The following EFNB3 variants were observed in gnomAD, a reference collection of about 807,000 sequenced individuals.
The protein encoded by EFNB3 is ephrin B3.
A neutral mutation model predicts 29.8 loss-of-function variants in EFNB3; 14 were observed. That is an observed-to-expected ratio of 0.47 (90% CI 0.31 to 0.73). The LOEUF is 0.73. Among genes scored for constraint, EFNB3 ranks in the 30% least tolerant of loss-of-function variants. The pLI, the probability that EFNB3 is intolerant of heterozygous loss-of-function variation, is 0.05. For synonymous variants in EFNB3, 216 were observed against 191.6 expected (o/e 1.13, Z -1.05); for missense variants, 408 against 458.0 (o/e 0.89, Z 1.00).
At chr17:7,706,632 C>T (rs1362335517) in intron 1 of EFNB3, among the ~76,000 whole-genome samples, 4 of 152,162 alleles carry the variant, frequency 2.6e-5, no homozygotes, top group Non-Finnish European at 4.4e-5. Context: ...TGTGTGAGGC[C>T]ATGGGAAGGG....
chr17:7,705,817 C>T lies in EFNB3; in HGVS notation c.122+97C>T. The T allele has an allele frequency of 2.1e-6, 3 of 1,420,878 alleles. No homozygotes were observed. In the South Asian group the frequency reaches 4.2e-5, roughly 20 times the overall value. 88.0% of individuals were successfully genotyped at this position (1,420,878 alleles called of 1,614,324 possible). On this transcript the variant is annotated intron_variant, in intron 1 of 4. Transcript: ENST00000226091. The surrounding 1 kb of genome is among the most constrained non-coding windows in gnomAD (Gnocchi z 5.4). ...CGGGCTTCTGTGGGCAGGGAGGAGG[C>T]GGGAGGGAAGGTGCTGGTGCTCTGA... is the stretch of plus-strand genomic sequence containing the variant.
In EFNB3 at chr17:7,707,108, C is replaced by T. The variant is rs575696965; in HGVS notation, c.123-850C>T. On this transcript the variant is annotated intron_variant, in intron 1 of 4. Coordinates refer to ENST00000226091, the MANE Select transcript of EFNB3 (RefSeq NM_001406.4). ...GTCTGGGAAGATATCAAGTAGCAGT[C>T]CCCTGGGACCCAGTCCTGAGACCCT... Among the ~76,000 whole-genome samples the T allele has an allele frequency of 5.3e-5, 8 of 152,224 alleles. No homozygotes were observed. The East Asian group carries it at 1.5e-3, about 29-fold the overall frequency.
intron 1 of EFNB3, among the ~76,000 whole-genome samples, chr17:7,706,793 T>A (rs2074329066): frequency 6.6e-6 from 1 of 152,196 alleles, no homozygotes; most frequent in Admixed American, 6.5e-5. Context: ...TGTTTGAATG[T>A]ATTATGTGCT....
chr17:7,707,955 T>C lies in EFNB3; in HGVS notation c.123-3T>C, dbSNP rs1367050831. ...CTTGTCCACCTTACCCTCCTCCCCA[T>C]AGGTTCCAGGCAGAGGGTGGTTATG... On this transcript the variant is annotated splice_region_variant and splice_polypyrimidine_tract_variant and intron_variant, in intron 1 of 4. Coordinates refer to ENST00000226091, the MANE Select transcript of EFNB3 (RefSeq NM_001406.4). The C allele has an allele frequency of 6.2e-7, 1 of 1,605,172 alleles. No homozygotes were observed. Among genetic ancestry groups the C allele is most frequent in the Non-Finnish European group, 8.5e-7 (1 of 1,174,720 alleles).
At chr17:7,707,278 C>G (rs2074330673) in intron 1 of EFNB3, among the ~76,000 whole-genome samples, 1 of 152,142 alleles carries the variant, frequency 6.6e-6, no homozygotes, top group African/African-American at 2.4e-5. Context: ...CCTTTCCTTT[C>G]CAAAGCAATA....
Position 7,705,582 on chromosome 17 carries a change from C to G in EFNB3, c.-17C>G. 1 of 1,398,500 alleles carries G rather than the reference C, an allele frequency of 7.2e-7. No homozygotes were observed. The highest frequency in any genetic ancestry group is 9.4e-7 in the Non-Finnish European group (1 of 1,060,548). The allele number at this position is 1,398,500 out of a possible 1,614,324, so 86.6% of individuals were successfully genotyped here. A position where few individuals can be genotyped will look rare whatever the true frequency, so the allele number is the denominator to read the frequency against. On this transcript the variant is annotated 5_prime_UTR_variant, in exon 1 of 5. Transcript: ENST00000226091. The surrounding 1 kb of genome is among the most constrained non-coding windows in gnomAD (Gnocchi z 5.4). Reference sequence around the variant, plus strand: ...TTGGGGGAGTTGGTGCCCCGCCCCCCAGGCCTTGGCGGGGTCATGGGGCCC... The same window carrying G: ...TTGGGGGAGTTGGTGCCCCGCCCCCGAGGCCTTGGCGGGGTCATGGGGCCC...
At position 7,705,539 on chromosome 17, in the gene EFNB3, C is replaced by G. The variant is rs1022469355; in HGVS notation, c.-60C>G. The G allele has an allele frequency of 9.5e-6, 10 of 1,049,622 alleles. No homozygotes were observed. Among genetic ancestry groups the G allele is most frequent in the African/African-American group, 1.7e-5 (1 of 59,386 alleles). The allele number at this position is 1,049,622 out of a possible 1,614,324, so 65.0% of individuals were successfully genotyped here. ...AGAGCCAGGCAGCCAAGGCAGCCACCCCGGGGGGTGGGCGACTTTGGGGGA... is the reference window on the plus strand; with the variant it reads ...AGAGCCAGGCAGCCAAGGCAGCCACGCCGGGGGGTGGGCGACTTTGGGGGA... On this transcript the variant is annotated 5_prime_UTR_variant, in exon 1 of 5. Coordinates refer to ENST00000226091, the MANE Select transcript of EFNB3 (RefSeq NM_001406.4). This position sits in a 1 kb window ranked among gnomAD's most constrained non-coding sequence, Gnocchi z 5.4.
chr17:7,710,204 A>C lies in EFNB3; in HGVS notation c.*628A>C, dbSNP rs1597428099. On this transcript the variant is annotated 3_prime_UTR_variant, in exon 5 of 5. Coordinates refer to ENST00000226091, the MANE Select transcript of EFNB3 (RefSeq NM_001406.4). Reference sequence around the variant, plus strand: ...CTTATGGGGAAGGCTCTGACACTCCACCCCAGCTCAGGCCATGGGCAGCAG... The same window carrying C: ...CTTATGGGGAAGGCTCTGACACTCCCCCCCAGCTCAGGCCATGGGCAGCAG... 6.3e-6 allele frequency: 1 copy of C among 159,840 alleles called. No individual in the cohort carries two copies. Among genetic ancestry groups the C allele is most frequent in the Non-Finnish European group, 1.4e-5 (1 of 74,058 alleles). 9.9% of individuals were successfully genotyped at this position (159,840 alleles called of 1,614,324 possible). A position where few individuals can be genotyped will look rare whatever the true frequency, so the allele number is the denominator to read the frequency against.
rs778575856 is a variant in EFNB3 at position 7,705,595 on chromosome 17, G to A, written c.-4G>A. On this transcript the variant is annotated 5_prime_UTR_variant, in exon 1 of 5. Coordinates refer to ENST00000226091, the MANE Select transcript of EFNB3 (RefSeq NM_001406.4). The surrounding 1 kb of genome is among the most constrained non-coding windows in gnomAD (Gnocchi z 5.4). ...TGCCCCGCCCCCCAGGCCTTGGCGG[G>A]GTCATGGGGCCCCCCCATTCTGGGC... 9 of 1,455,660 alleles carry A rather than the reference G, an allele frequency of 6.2e-6. No homozygotes were observed. The highest frequency in any genetic ancestry group is 1.5e-5 in the African/African-American group (1 of 67,060). The allele number at this position is 1,455,660 out of a possible 1,614,324, so 90.2% of individuals were successfully genotyped here.
rs769239419 is a variant in EFNB3 at position 7,709,570 on chromosome 17, G to A, written c.1017G>A (p.Lys339=). The A allele has an allele frequency of 1.2e-6, 2 of 1,613,880 alleles. No individual in the cohort carries two copies. The highest frequency in any genetic ancestry group is 1.7e-5 in the Admixed American group (1 of 59,994). Residue 339 remains lysine (K), a synonymous_variant, in exon 5 of 5, where the codon AAG becomes AAA. Transcript: ENST00000226091. This position sits in a 1 kb window ranked among gnomAD's most constrained non-coding sequence, Gnocchi z 4.5. ...PPQSPPNIYY[K]V is the part of the protein sequence containing the mutation. Reference sequence around the variant, plus strand: ...AGAGCCCTCCAAACATCTACTACAAGGTATGAGGGCTCCTCTCACGTGGCT... The same window carrying A: ...AGAGCCCTCCAAACATCTACTACAAAGTATGAGGGCTCCTCTCACGTGGCT...
Position 7,705,830 on chromosome 17 carries a change from G to T in EFNB3, c.122+110G>T, listed in dbSNP as rs533742055. Reference sequence around the variant, plus strand: ...GCAGGGAGGAGGCGGGAGGGAAGGTGCTGGTGCTCTGATGTGTGATGGGTT... The same window carrying T: ...GCAGGGAGGAGGCGGGAGGGAAGGTTCTGGTGCTCTGATGTGTGATGGGTT... On this transcript the variant is annotated intron_variant, in intron 1 of 4. Transcript: ENST00000226091. The surrounding 1 kb of genome is among the most constrained non-coding windows in gnomAD (Gnocchi z 5.4). 3.7e-6 allele frequency: 5 copies of T among 1,348,648 alleles called. No homozygotes were observed. Among genetic ancestry groups the T allele is most frequent in the Non-Finnish European group, 5.0e-6 (5 of 1,008,906 alleles). The allele number at this position is 1,348,648 out of a possible 1,614,324, so 83.5% of individuals were successfully genotyped here.
chr17:7,710,858 A>AC lies in EFNB3; in HGVS notation c.*1286dup, dbSNP rs2074347346. ...ATAATCTCTGTTAATCAACAGGACT[A>AC]CCCCAAGAACCCATGTGCTCTCCCG... is the stretch of plus-strand genomic sequence containing the variant. On this transcript the variant is annotated 3_prime_UTR_variant, in exon 5 of 5. Transcript: ENST00000226091. The AC allele has an allele frequency of 6.6e-6, 1 of 152,612 alleles. No homozygotes were observed. Among genetic ancestry groups the AC allele is most frequent in the Non-Finnish European group, 1.5e-5 (1 of 68,072 alleles). The allele number at this position is 152,612 out of a possible 1,614,324, so 9.5% of individuals were successfully genotyped here.
In EFNB3 at chr17:7,710,977, C is replaced by T. The variant is rs2074347727; in HGVS notation, c.*1401C>T. On this transcript the variant is annotated 3_prime_UTR_variant, in exon 5 of 5. Transcript: ENST00000226091. ...CCCTTCTTAGTGACCAAAATGGTGG[C>T]CTACTGGCTGGTCTAGCTGACAGTG... 2 of 152,684 alleles carry T rather than the reference C, an allele frequency of 1.3e-5. No individual in the cohort carries two copies. The highest frequency in any genetic ancestry group is 2.4e-5 in the African/African-American group (1 of 41,456). The allele number at this position is 152,684 out of a possible 1,614,324, so 9.5% of individuals were successfully genotyped here. A position where few individuals can be genotyped will look rare whatever the true frequency, so the allele number is the denominator to read the frequency against.
At position 7,709,365 on chromosome 17, in the gene EFNB3, G is replaced by C; in HGVS notation, c.812G>C (p.Arg271Thr). ...CACCCTGGTCCTGGCTCCTTCGGGAGGGGAGGGTCTCTGGGCCTGGGGGGT... is the reference window on the plus strand; with the variant it reads ...CACCCTGGTCCTGGCTCCTTCGGGACGGGAGGGTCTCTGGGCCTGGGGGGT... ...SRHPGPGSFG[R>T]GGSLGLGGGG... The change falls in exon 5 of 5, where the codon AGG (arginine) becomes ACG (threonine). Residue 271 changes from arginine (R) to threonine (T), a missense_variant. Arg to Thr is a moderately conservative substitution (Grantham distance 71). Coordinates refer to ENST00000226091, the MANE Select transcript of EFNB3 (RefSeq NM_001406.4). This position sits in a 1 kb window ranked among gnomAD's most constrained non-coding sequence, Gnocchi z 4.5. 6.3e-7 allele frequency: 1 copy of C among 1,580,754 alleles called. No individual in the cohort carries two copies. The highest frequency in any genetic ancestry group is 8.6e-7 in the Non-Finnish European group (1 of 1,163,656).
chr17:7,707,490 G>A (rs544185959), intron 1 of EFNB3, among the ~76,000 whole-genome samples: 17 of 152,208 alleles, frequency 1.1e-4, no homozygotes, highest in African/African-American at 2.6e-4. Flanking sequence ...CTGAACCGCC[G>A]CCCCCTTTGC....
Position 7,709,771 on chromosome 17 carries a change from G to T in EFNB3, c.*195G>T, listed in dbSNP as rs552194549. 2.4e-5 allele frequency: 16 copies of T among 659,662 alleles called. No individual in the cohort carries two copies. 40.9% of individuals were successfully genotyped at this position (659,662 alleles called of 1,614,324 possible). ...CCACTGCCCCACTTCCTGCCCTCCC[G>T]TTTGGCCATGGGTGCCCCCCTCTGT... On this transcript the variant is annotated 3_prime_UTR_variant, in exon 5 of 5. Coordinates refer to ENST00000226091, the MANE Select transcript of EFNB3 (RefSeq NM_001406.4). This position sits in a 1 kb window ranked among gnomAD's most constrained non-coding sequence, Gnocchi z 4.5.
At position 7,709,025 on chromosome 17, in the gene EFNB3, G is replaced by A; in HGVS notation, c.614-142G>A. The A allele has an allele frequency of 3.5e-6, 3 of 865,744 alleles. No individual in the cohort carries two copies. The South Asian group carries it at 4.7e-5, about 14-fold the overall frequency. The allele number at this position is 865,744 out of a possible 1,614,324, so 53.6% of individuals were successfully genotyped here. A position where few individuals can be genotyped will look rare whatever the true frequency, so the allele number is the denominator to read the frequency against. ...ACACCTGGATTCTGAGCAGAGTTCG[G>A]AGGGGGAGGAGAGATGGGGTCCCCA... On this transcript the variant is annotated intron_variant, in intron 4 of 4. Transcript: ENST00000226091. The surrounding 1 kb of genome is among the most constrained non-coding windows in gnomAD (Gnocchi z 4.5).
In EFNB3 at chr17:7,709,502, G is replaced by T; in HGVS notation, c.949G>T (p.Asp317Tyr). The T allele has an allele frequency of 6.2e-7, 1 of 1,613,930 alleles. No individual in the cohort carries two copies. The highest frequency in any genetic ancestry group is 8.5e-7 in the Non-Finnish European group (1 of 1,179,918). Residue 317 changes from aspartate to tyrosine, a missense_variant, in exon 5 of 5, where the codon GAC (aspartate) becomes TAC (tyrosine). Around this residue, in one of 3 missense-constraint regions of EFNB3, gnomAD observed 233 missense variants for 230.7 expected, o/e 1.01. Transcript: ENST00000226091. This position sits in a 1 kb window ranked among gnomAD's most constrained non-coding sequence, Gnocchi z 4.5. ...FCPHYEKVSGDYGHPVYIVQD... is the reference protein window; with the variant it reads ...FCPHYEKVSGYYGHPVYIVQD... ...CCCCCACTATGAGAAGGTGAGTGGT[G>T]ACTATGGGCATCCTGTGTATATCGT... is the stretch of plus-strand genomic sequence containing the variant.
At chr17:7,707,929 C>T (rs200891657) in intron 1 of EFNB3, 29 bp from the exon 2 acceptor site, 299 of 1,574,574 alleles carry the variant, frequency 1.9e-4, no homozygotes, top group Non-Finnish European at 2.4e-4. Context: ...GACATCTCTT[C>T]CTTGTCCACC....
Sources: gnomAD v4.1 joint callset for allele counts (sites outside exome capture counted in the v4.1 genomes callset) on GRCh38, gnomAD v4.1.1 for gene constraint, gnomAD v4.1.1 regional missense constraint, Gnocchi (gnomAD v3.1) non-coding constraint, MANE v1.5 for transcripts, NCBI Gene and HGNC (gene_info 2026-07-23, HGNC 2026-07-21) for gene names.